ANK3: variants seen among roughly 807,000 people sequenced by gnomAD.
The protein encoded by ANK3 is ankyrin-3.
Under a neutral mutation model 370.9 loss-of-function variants are expected in ANK3, and 57 were observed. The ratio of observed to expected loss-of-function variants is 0.15; its 90% CI spans 0.12 to 0.19. ANK3 has a LOEUF of 0.19. Among genes scored for constraint, ANK3 ranks in the 10% least tolerant of loss-of-function variants. ANK3 has a pLI of 1.00. For synonymous variants in ANK3, 1,929 were observed against 1,946.3 expected (o/e 0.99, Z 0.23); for missense variants, 4,439 against 5,302.1 (o/e 0.84, Z 5.06).
chr10:60,296,815 A>G (rs1037131803), intron 1 of ANK3, among the ~76,000 whole-genome samples: 10 of 152,038 alleles, frequency 6.6e-5, no homozygotes, highest in Non-Finnish European at 1.5e-4. Flanking sequence ...TGTCTCTACA[A>G]AAAATATTTT....
chr10:60,693,270 G>T (rs143707917), intron 1 of ANK3, among the ~76,000 whole-genome samples: 6 of 152,202 alleles, frequency 3.9e-5, no homozygotes, highest in Non-Finnish European at 5.9e-5. Context: ...ACGGAGTCTC[G>T]CTGATTGCTA....
intron 1 of ANK3, among the ~76,000 whole-genome samples, chr10:60,638,177 G>A (rs10761531): frequency 0.68 from 102,909 of 152,066 alleles, 34,961 homozygotes; most frequent in South Asian, 0.82. Flanking sequence ...ACTCCATGAG[G>A]TAGAAGAAAG....
At chr10:60,602,291 ACTT>A (rs1016344944) in intron 2 of ANK3, among the ~76,000 whole-genome samples, 4 of 152,018 alleles carry the variant, frequency 2.6e-5, no homozygotes, top group Admixed American at 6.6e-5. Context: ...TTAAACTATG[ACTT>A]CTTTTCTTAT....
chr10:60,290,908 A>C (rs1002047368), intron 1 of ANK3, among the ~76,000 whole-genome samples: 5 of 152,170 alleles, frequency 3.3e-5, no homozygotes, highest in African/African-American at 1.2e-4. Context: ...CAGTGTTTTC[A>C]AGAGATTTAC....
rs1301680919 is a variant in ANK3, at chr10:60,583,878, C to G, written c.96+31308G>C. Among the ~76,000 whole-genome samples, 7 of 152,086 alleles carry G rather than the reference C, an allele frequency of 4.6e-5. No homozygotes were observed. In the East Asian group the frequency reaches 1.2e-3, roughly 25 times the overall value. On this transcript the variant is annotated intron_variant, in intron 2 of 43. Transcript: ENST00000373827. ...ACATTACAGGCATGAGCCACGGCGC[C>G]CAGCCACAGAGAAGTATTTTAAATG...
intron 1 of ANK3, among the ~76,000 whole-genome samples, chr10:60,293,890 T>C (rs142599434): frequency 1.3e-5 from 2 of 152,348 alleles, no homozygotes; most frequent in East Asian, 1.9e-4. Flanking sequence ...CAGTAACTTC[T>C]GGCATTATAC....
At chr10:60,085,633 G>C (rs1277143756) in intron 30 of ANK3, among the ~76,000 whole-genome samples, 1 of 34,990 alleles carries the variant, frequency 2.9e-5, no homozygotes, top group African/African-American at 1.0e-4. Flanking sequence ...TTTTTTTTTT[G>C]AGACGGAGTC....
intron 2 of ANK3, among the ~76,000 whole-genome samples, chr10:60,562,855 A>G (rs2077370939): frequency 6.6e-6 from 1 of 152,348 alleles, no homozygotes; most frequent in South Asian, 2.1e-4. Context: ...CAGATGACAA[A>G]GAACTCCATT....
At chr10:60,169,364 G>GTTTGT (rs397844967) in intron 21 of ANK3, among the ~76,000 whole-genome samples, 47 of 51,900 alleles carry the variant, frequency 9.1e-4, no homozygotes, top group African/African-American at 3.2e-3. Flanking sequence ...TTGTCTCATA[G>GTTTGT]TTTTTTTTTT....
intron 1 of ANK3, among the ~76,000 whole-genome samples, chr10:60,353,153 G>GTTTTTTTT (rs1481181095): frequency 2.2e-5 from 3 of 135,844 alleles, no homozygotes; most frequent in Non-Finnish European, 4.8e-5. Flanking sequence ...GCTAATTTTT[G>GTTTTTTTT]TTTTGTTTTT....
chr10:60,285,881 C>T (rs2098236944), intron 1 of ANK3, among the ~76,000 whole-genome samples: 1 of 152,122 alleles, frequency 6.6e-6, no homozygotes, highest in Admixed American at 6.6e-5. Flanking sequence ...TTATCCTAGC[C>T]ACCCAGGCAT....
At chr10:60,502,080 A>T (rs139788189) in intron 2 of ANK3, among the ~76,000 whole-genome samples, 1 of 152,174 alleles carries the variant, frequency 6.6e-6, no homozygotes, top group African/African-American at 2.4e-5. Context: ...ATTTAAGCAA[A>T]ATAATGGAAA....
At chr10:60,117,616 A>C (rs1191456103) in intron 25 of ANK3, among the ~76,000 whole-genome samples, 1 of 152,178 alleles carries the variant, frequency 6.6e-6, no homozygotes, top group Non-Finnish European at 1.5e-5. Flanking sequence ...CAGGAGTTTG[A>C]GACCAGCCTG....
chr10:60,189,295 C>A (rs1398511559), intron 16 of ANK3, among the ~76,000 whole-genome samples: 1 of 152,020 alleles, frequency 6.6e-6, no homozygotes, highest in African/African-American at 2.4e-5. Context: ...GAGCTCGAGA[C>A]CACCCTGGGC....
chr10:60,335,954 A>C (rs1348741695), intron 1 of ANK3, among the ~76,000 whole-genome samples: 9 of 152,184 alleles, frequency 5.9e-5, no homozygotes, highest in Admixed American at 5.9e-4. Flanking sequence ...AATAGACGAG[A>C]ATTTTAAGGA....
At chr10:60,048,793 G>T (rs1468522119) in intron 42 of ANK3, among the ~76,000 whole-genome samples, 4 of 152,196 alleles carry the variant, frequency 2.6e-5, no homozygotes, top group Admixed American at 6.5e-5. Context: ...TAGGGATTAG[G>T]TTCTAGTCCC....
intron 1 of ANK3, among the ~76,000 whole-genome samples, chr10:60,683,428 G>A (rs1333922135): frequency 5.3e-5 from 8 of 152,180 alleles, no homozygotes; most frequent in Admixed American, 2.0e-4. Flanking sequence ...AATTAATGGG[G>A]GACTGACTGC....
chr10:60,043,611 A>T, intron 42 of ANK3: 1 of 985,448 alleles, frequency 1.0e-6, no homozygotes, highest in Non-Finnish European at 1.2e-6. Flanking sequence ...CCTGCAGAAC[A>T]TACTGGAAAG....
At position 60,059,433 on chromosome 10, in the gene ANK3, G is replaced by C; in HGVS notation, c.12596-3C>G. The C allele has an allele frequency of 1.9e-6, 3 of 1,612,774 alleles. No individual in the cohort carries two copies. Among genetic ancestry groups the C allele is most frequent in the African/African-American group, 1.3e-5 (1 of 74,986 alleles). On this transcript the variant is annotated splice_region_variant and splice_polypyrimidine_tract_variant and intron_variant, in intron 40 of 43. Transcript: ENST00000280772. ...ACTTGATGTCTCATTCTGCCAACCT[G>C]TAATTGAAGACATTTCCAGTTCTGC...
Sources: gnomAD v4.1 joint callset for allele counts (sites outside exome capture counted in the v4.1 genomes callset) on GRCh38, gnomAD v4.1.1 for gene constraint, MANE v1.5 for transcripts, NCBI Gene and HGNC (gene_info 2026-07-23, HGNC 2026-07-21) for gene names.